TRMT10A: variants seen among roughly 807,000 people sequenced by gnomAD.
TRMT10A encodes tRNA methyltransferase 10 homolog A.
In TRMT10A, 37 loss-of-function variants were observed where a neutral mutation model predicts 40.4. The observed-to-expected ratio is 0.92, with a 90% CI of 0.71 to 1.21. The LOEUF (loss-of-function observed/expected upper bound fraction) is 1.21. Among genes scored for constraint, TRMT10A ranks in the 50% most tolerant of loss-of-function variants. The pLI is 0.00. For missense variants in TRMT10A, 388 were observed against 404.3 expected (o/e 0.96, Z 0.35); for synonymous variants, 103 against 134.1 (o/e 0.77, Z 1.60).
In TRMT10A at chr4:99,548,904, CA is replaced by C; in HGVS notation, c.*183del. 3 of 565,452 alleles carry C rather than the reference CA, an allele frequency of 5.3e-6. No individual in the cohort carries two copies. Among genetic ancestry groups the C allele is most frequent in the South Asian group, 4.8e-5 (1 of 20,724 alleles). The allele number at this position is 565,452 out of a possible 1,614,324, so 35.0% of individuals were successfully genotyped here. On this transcript the variant is annotated 3_prime_UTR_variant, in exon 8 of 8. Coordinates refer to ENST00000394876, the MANE Select transcript of TRMT10A (RefSeq NM_001134665.3). The stretch of plus-strand genomic sequence containing the variant: ...ACATTTAAATCTTCTTACGCAAAAT[CA>C]AAAAATATTTCCTTACAAAGTTTAA...
rs747312114 is a variant in TRMT10A, at chr4:99,549,162, G to T, written c.946C>A (p.Leu316Ile). ...TGCTTTTCTTCATGTGGTGAATCTA[G>T]TTCATTTCTGCTATATTCCTCCTCA... ...SSEEEYSRNELDSPHEEKQDK... is the reference protein window; with the variant it reads ...SSEEEYSRNEIDSPHEEKQDK... The change falls in exon 8 of 8, where the codon CTA (leucine) becomes ATA (isoleucine). Residue 316 changes from leucine (L) to isoleucine (I), a missense_variant. Transcript: ENST00000394876. 1 of 1,614,022 alleles carries T rather than the reference G, an allele frequency of 6.2e-7. No individual in the cohort carries two copies. Among genetic ancestry groups the T allele is most frequent in the Non-Finnish European group, 8.5e-7 (1 of 1,179,976 alleles).
intron 3 of TRMT10A, 184 bp downstream of exon 3, chr4:99,557,865 T>C (rs1487162108): frequency 7.0e-6 from 4 of 572,886 alleles, no homozygotes; most frequent in Non-Finnish European, 1.2e-5. Flanking sequence ...CATACACACA[T>C]ATATAAATAC....
rs1211310011 is a variant in TRMT10A at position 99,550,920 on chromosome 4, T to G, written c.716A>C (p.Lys239Thr). 3 of 1,613,400 alleles carry G rather than the reference T, an allele frequency of 1.9e-6. No individual in the cohort carries two copies. In the East Asian group the frequency reaches 6.7e-5, roughly 36 times the overall value. Residue 239 changes from lysine to threonine, a missense_variant, in exon 7 of 8, where the codon AAG (lysine) becomes ACG (threonine). Physicochemically the swap from Lys to Thr is moderately conservative, Grantham distance 78. Coordinates refer to ENST00000394876, the MANE Select transcript of TRMT10A (RefSeq NM_001134665.3). Reference sequence around the variant, plus strand: ...TGCCAAAACTTTTCGACTATTCATCTTCACAAAATTTCCAAGTGGGAGCTG... The same window carrying G: ...TGCCAAAACTTTTCGACTATTCATCGTCACAAAATTTCCAAGTGGGAGCTG... ...HAQLPLGNFVKMNSRKVLAVN... is the reference protein window; with the variant it reads ...HAQLPLGNFVTMNSRKVLAVN...
In TRMT10A at chr4:99,563,052, C is replaced by T. The variant is rs113609243; in HGVS notation, c.-24+861G>A. On this transcript the variant is annotated intron_variant, in intron 1 of 7. Coordinates refer to ENST00000394876, the MANE Select transcript of TRMT10A (RefSeq NM_001134665.3). ...GTCAGGCTGGTCCCGAACTCCTGAC[C>T]TCAGGTGATCCACCCGCCTTGCCCT... Among the ~76,000 whole-genome samples, 413 of 152,074 alleles carry T rather than the reference C, an allele frequency of 2.7e-3. 2 individuals carry two copies. The highest frequency in any genetic ancestry group is 9.5e-3 in the African/African-American group (394 of 41,486).
intron 6 of TRMT10A, 89 bp downstream of exon 6, chr4:99,553,696 G>A (rs1393506366): frequency 7.8e-7 from 1 of 1,277,258 alleles, no homozygotes; most frequent in East Asian, 2.4e-5. Flanking sequence ...ATAAAGATGA[G>A]CTATCATTAG....
intron 5 of TRMT10A, among the ~76,000 whole-genome samples, chr4:99,554,646 C>T (rs985560369): frequency 1.4e-5 from 2 of 140,280 alleles, no homozygotes; most frequent in Admixed American, 7.7e-5. Context: ...GTTTGAATCC[C>T]GGAGGCAGAG....
intron 2 of TRMT10A, among the ~76,000 whole-genome samples, chr4:99,558,870 G>C (rs1010856257): frequency 2.0e-5 from 3 of 152,042 alleles, no homozygotes; most frequent in African/African-American, 7.2e-5. Flanking sequence ...CTCATAATAA[G>C]GTTCTGCATT....
At chr4:99,561,559 T>C (rs900357800) in intron 1 of TRMT10A, among the ~76,000 whole-genome samples, 2 of 152,158 alleles carry the variant, frequency 1.3e-5, no homozygotes, top group African/African-American at 4.8e-5. Context: ...GCAACAAAAA[T>C]GATGCTAACC....
intron 6 of TRMT10A, 113 bp downstream of exon 6, chr4:99,553,672 A>G: frequency 9.6e-7 from 1 of 1,040,936 alleles, no homozygotes; most frequent in Non-Finnish European, 1.4e-6. Context: ...TGACTGACAT[A>G]TAGTAGGCAC....
intron 7 of TRMT10A, among the ~76,000 whole-genome samples, chr4:99,549,712 T>C (rs1002986875): frequency 2.6e-5 from 4 of 152,206 alleles, no homozygotes; most frequent in Non-Finnish European, 2.9e-5. Context: ...CTTAACTTTC[T>C]TCATGTTTCC....
At chr4:99,556,017 T>C (rs1222166999) in intron 5 of TRMT10A, 129 bp downstream of exon 5, 2 of 747,316 alleles carry the variant, frequency 2.7e-6, no homozygotes, top group Non-Finnish European at 4.1e-6. Flanking sequence ...AATCTTAGAC[T>C]TAGGTTCAGA....
At chr4:99,557,982 C>A in intron 3 of TRMT10A, 67 bp downstream of exon 3, 1 of 1,393,470 alleles carries the variant, frequency 7.2e-7, no homozygotes, top group Non-Finnish European at 9.5e-7. Context: ...AGGGATATTG[C>A]ATATTAAAAC....
At position 99,559,378 on chromosome 4, in the gene TRMT10A, A is replaced by C; in HGVS notation, c.-23-17T>G. 6.6e-7 allele frequency: 1 copy of C among 1,525,760 alleles called. No individual in the cohort carries two copies. Among genetic ancestry groups the C allele is most frequent in the Non-Finnish European group, 8.9e-7 (1 of 1,124,734 alleles). The allele number at this position is 1,525,760 out of a possible 1,614,324, so 94.5% of individuals were successfully genotyped here. A position where few individuals can be genotyped will look rare whatever the true frequency, so the allele number is the denominator to read the frequency against. On this transcript the variant is annotated splice_polypyrimidine_tract_variant and intron_variant, in intron 1 of 7. Coordinates refer to ENST00000394876, the MANE Select transcript of TRMT10A (RefSeq NM_001134665.3). ...GAAAAACAACTTTTGACATGAATAG[A>C]TAATTTACAAGCACAAAAAAGTTAA...
At chr4:99,563,584 A>AC (rs1724551433) in intron 1 of TRMT10A, 1 of 258,060 alleles carries the variant, frequency 3.9e-6, no homozygotes, top group Non-Finnish European at 7.9e-6. Flanking sequence ...GCCGATGGCA[A>AC]CCCCAAAACA....
chr4:99,554,722 CAAAAA>C (rs532448105), intron 5 of TRMT10A, among the ~76,000 whole-genome samples: 1 of 90,884 alleles, frequency 1.1e-5, no homozygotes, highest in Middle Eastern at 5.1e-3. Context: ...GACTACGTTT[CAAAAA>C]AAAAAAAAAA....
chr4:99,557,265 G>A, intron 4 of TRMT10A, 80 bp downstream of exon 4: 1 of 1,401,946 alleles, frequency 7.1e-7, no homozygotes, highest in Non-Finnish European at 9.8e-7. Context: ...CTACTGCAAA[G>A]ACTATAGGAA....
chr4:99,563,922 G>A lies in TRMT10A; in HGVS notation c.-33C>T. The A allele has an allele frequency of 2.5e-6, 2 of 790,400 alleles. No individual in the cohort carries two copies. Among genetic ancestry groups the A allele is most frequent in the African/African-American group, 1.7e-5 (1 of 58,790 alleles). The allele number at this position is 790,400 out of a possible 1,614,324, so 49.0% of individuals were successfully genotyped here. On this transcript the variant is annotated 5_prime_UTR_variant, in exon 1 of 8. Transcript: ENST00000394876. Reference sequence around the variant, plus strand: ...GTGCCAGGACACTTACCGAGCTGAAGAGTTGACAGGGAAGTGAAATCTCAG... The same window carrying A: ...GTGCCAGGACACTTACCGAGCTGAAAAGTTGACAGGGAAGTGAAATCTCAG...
At chr4:99,562,201 ATGTGTGTGTG>A (rs60133760) in intron 1 of TRMT10A, among the ~76,000 whole-genome samples, 10 of 136,158 alleles carry the variant, frequency 7.3e-5, no homozygotes, top group Non-Finnish European at 7.7e-5. Context: ...ATATATATAT[ATGTGTGTGTG>A]TGTGTGTGTG....
intron 3 of TRMT10A, 36 bp downstream of exon 3, chr4:99,558,013 C>T (rs1320419270): frequency 6.6e-7 from 1 of 1,508,348 alleles, no homozygotes; most frequent in Admixed American, 2.4e-5. Context: ...CGACCTAATT[C>T]ACATACAAGA....
Sources: allele counts gnomAD v4.1 joint callset (sites outside exome capture counted in the v4.1 genomes callset), GRCh38; gene constraint gnomAD v4.1.1; transcripts MANE v1.5; gene names NCBI Gene and HGNC (gene_info 2026-07-23, HGNC 2026-07-21).